Variants in SERPINB6 observed in about 807,000 individuals in gnomAD.
SERPINB6 encodes the protein serpin family B member 6.
Under a neutral mutation model 26.1 loss-of-function variants are expected in SERPINB6, and 16 were observed. That is an observed-to-expected ratio of 0.61 (90% CI 0.42 to 0.93). The LOEUF is 0.93. Ranked by LOEUF, SERPINB6 falls within the 40% of genes least tolerant of loss-of-function variation. The pLI, the probability that SERPINB6 is intolerant of heterozygous loss-of-function variation, is 0.00. For missense variants in SERPINB6, 420 were observed against 478.0 expected (o/e 0.88, Z 1.13); for synonymous variants, 174 against 176.6 (o/e 0.99, Z 0.11).
At chr6:2,969,764 G>GTGTA in intron 1 of SERPINB6, 1 of 904,154 alleles carries the variant, frequency 1.1e-6, no homozygotes, top group Non-Finnish European at 1.3e-6. Context: ...CTTGTGCAGT[G>GTGTA]TGTATGTGTG....
Position 2,959,163 on chromosome 6 carries a change from T to C in SERPINB6, c.165+5A>G. On this transcript the variant is annotated splice_donor_5th_base_variant and intron_variant, in intron 2 of 6. Transcript: ENST00000380539. ...AATAGCACCATGGCTGCCCTGAAGC[T>C]GTACCTGGGCCATCTGTGCAGCGGT... The C allele has an allele frequency of 1.2e-6, 2 of 1,614,220 alleles. No homozygotes were observed. Among genetic ancestry groups the C allele is most frequent in the Non-Finnish European group, 1.7e-6 (2 of 1,180,034 alleles).
At position 2,949,022 on chromosome 6, in the gene SERPINB6, C is replaced by T. The variant is rs1472358660; in HGVS notation, c.621G>A (p.Lys207=). The part of the protein sequence containing the change: ...VQMMFKQSTF[K]KTYIGEIFTQ... ...TAAATATTTCTCCTATATAGGTCTT[C>T]TTAAAAGTAGATTGCTTAAACATCA... Residue 207 remains lysine (K), a synonymous_variant, in exon 6 of 7, where the codon AAG becomes AAA. Transcript: ENST00000380539. 1 of 1,614,208 alleles carries T rather than the reference C, an allele frequency of 6.2e-7. No homozygotes were observed.
At chr6:2,952,240 A>G (rs933988786) in intron 5 of SERPINB6, among the ~76,000 whole-genome samples, 3 of 152,262 alleles carry the variant, frequency 2.0e-5, no homozygotes, top group African/African-American at 7.2e-5. Context: ...CTGAATTGCG[A>G]GGAGAACAGA....
intron 5 of SERPINB6, among the ~76,000 whole-genome samples, chr6:2,952,058 A>G (rs1263349434): frequency 5.9e-5 from 9 of 152,224 alleles, no homozygotes; most frequent in Admixed American, 6.5e-5. Context: ...ACCTCCTAGC[A>G]GGGGAGATGA....
chr6:2,961,466 G>T (rs1426298443), intron 1 of SERPINB6: 1 of 152,174 alleles, frequency 6.6e-6, no homozygotes, highest in Non-Finnish European at 1.5e-5. Context: ...CGGAACTGAA[G>T]CAAAATTGGG....
chr6:2,971,015 C>T (rs1249026676), intron 1 of SERPINB6: 17 of 1,217,048 alleles, frequency 1.4e-5, no homozygotes, highest in African/African-American at 6.2e-5. Flanking sequence ...TCTCCGCCTC[C>T]CGCCCGGCTC....
intron 1 of SERPINB6, chr6:2,969,332 C>T (rs1771920039): frequency 3.0e-6 from 3 of 985,110 alleles, no homozygotes; most frequent in Non-Finnish European, 3.6e-6. Flanking sequence ...AATAAGATAG[C>T]TAAGTGTCCT....
chr6:2,968,980 C>T (rs13200000), intron 1 of SERPINB6: 3 of 1,218,500 alleles, frequency 2.5e-6, no homozygotes, highest in South Asian at 8.6e-5. Flanking sequence ...AATCCCCTCA[C>T]GTCCCCACTG....
chr6:2,971,130 G>A (rs1296503013), intron 1 of SERPINB6: 2 of 1,039,660 alleles, frequency 1.9e-6, no homozygotes, highest in East Asian at 7.3e-5. Context: ...TGGCCCGGGA[G>A]GCTCTGCGCC....
intron 1 of SERPINB6, chr6:2,969,633 G>T (rs1581285487): frequency 2.0e-6 from 2 of 984,612 alleles, no homozygotes; most frequent in African/African-American, 1.8e-5. Flanking sequence ...TTTTTTTTAG[G>T]TGTCACTATT....
intron 1 of SERPINB6, among the ~76,000 whole-genome samples, chr6:2,965,797 A>G (rs1296487443): frequency 6.6e-6 from 1 of 152,198 alleles, no homozygotes; most frequent in Non-Finnish European, 1.5e-5. Context: ...CTATGGGGAA[A>G]ATTAATCTTA....
In SERPINB6 at chr6:2,967,210, C is replaced by T; in HGVS notation, c.-11+4323G>A. The T allele has an allele frequency of 1.0e-6, 1 of 985,438 alleles. No individual in the cohort carries two copies. Among genetic ancestry groups the T allele is most frequent in the Non-Finnish European group, 1.2e-6 (1 of 829,974 alleles). 61.0% of individuals were successfully genotyped at this position (985,438 alleles called of 1,614,324 possible). A position where few individuals can be genotyped will look rare whatever the true frequency, so the allele number is the denominator to read the frequency against. On this transcript the variant is annotated intron_variant, in intron 1 of 6. Coordinates refer to ENST00000380539, the MANE Select transcript of SERPINB6 (RefSeq NM_004568.6). This position sits in a 1 kb window ranked among gnomAD's most constrained non-coding sequence, Gnocchi z 4.3. ...CTGTTAACCTGCCCAGGGCACAACA[C>T]CCACACACAAGTTAGAAAGTTCTGC...
At chr6:2,951,550 T>G (rs1002722672) in intron 5 of SERPINB6, among the ~76,000 whole-genome samples, 1 of 152,158 alleles carries the variant, frequency 6.6e-6, no homozygotes, top group Non-Finnish European at 1.5e-5. Flanking sequence ...CCTCCAATCT[T>G]GCAATATAAA....
chr6:2,959,025 G>T, intron 2 of SERPINB6, 143 bp downstream of exon 2: 1 of 1,091,734 alleles, frequency 9.2e-7, no homozygotes, highest in Non-Finnish European at 1.3e-6. Context: ...CAGCATGGGT[G>T]GCATGCCCTT....
rs1428273054 is a variant in SERPINB6 at position 2,966,399 on chromosome 6, C to T, written c.-11+5134G>A. 3.0e-6 allele frequency: 3 copies of T among 986,984 alleles called. No individual in the cohort carries two copies. In the East Asian group the frequency reaches 3.4e-4, roughly 112 times the overall value. 61.1% of individuals were successfully genotyped at this position (986,984 alleles called of 1,614,324 possible). The stretch of plus-strand genomic sequence containing the variant: ...GTTACTTTCCCTCCAAACACACTTA[C>T]TTTATATGCAGGAGTCCCCAGCAGA... On this transcript the variant is annotated intron_variant, in intron 1 of 6. Transcript: ENST00000380539.
intron 5 of SERPINB6, 47 bp downstream of exon 5, chr6:2,952,997 C>T (rs1224855329): frequency 2.5e-6 from 4 of 1,612,724 alleles, no homozygotes; most frequent in Non-Finnish European, 2.5e-6. Flanking sequence ...GAGCCGGAGA[C>T]GCTCGTGTGA....
intron 1 of SERPINB6, chr6:2,970,663 A>C (rs1220647299): frequency 2.5e-6 from 3 of 1,222,812 alleles, no homozygotes; most frequent in Non-Finnish European, 3.0e-6. Flanking sequence ...TATTCCTGAC[A>C]GCATGTGAAC....
At position 2,959,315 on chromosome 6, in the gene SERPINB6, T is replaced by C. The variant is rs727505182; in HGVS notation, c.18A>G (p.Glu6=). ...GGTTTAAGGCAAAGGTGCCATTTGC[T>C]TCTGCGAGAACATCCATGATGGCAG... The part of the protein sequence containing the change: MDVLA[E]ANGTFALNLL... Residue 6 remains glutamate (E), a synonymous_variant, in exon 2 of 7, where the codon GAA becomes GAG. Transcript: ENST00000380539. 8.2e-5 allele frequency: 132 copies of C among 1,614,088 alleles called. No individual in the cohort carries two copies. The highest frequency in any genetic ancestry group is 1.1e-4 in the Non-Finnish European group (130 of 1,180,048).
intron 1 of SERPINB6, chr6:2,959,740 T>C (rs3799198): frequency 0.3 from 70,836 of 237,320 alleles, 11,697 homozygotes; most frequent in East Asian, 0.5. Flanking sequence ...ATTTGAAAAA[T>C]ATTCAAAATG....
Sources: gnomAD v4.1 joint callset for allele counts (sites outside exome capture counted in the v4.1 genomes callset) on GRCh38, gnomAD v4.1.1 for gene constraint, Gnocchi (gnomAD v3.1) non-coding constraint, MANE v1.5 for transcripts, NCBI Gene and HGNC (gene_info 2026-07-23, HGNC 2026-07-21) for gene names.